Variants in MGAT4C observed in about 807,000 individuals in gnomAD.
MGAT4C encodes alpha-1,3-mannosyl-glycoprotein 4-beta-N-acetylglucosaminyltransferase C.
A neutral mutation model predicts 40.1 loss-of-function variants in MGAT4C; 19 were observed. The ratio of observed to expected loss-of-function variants is 0.47; its 90% CI spans 0.33 to 0.70. MGAT4C has a LOEUF of 0.70. Ranked by LOEUF, MGAT4C falls within the 30% of genes least tolerant of loss-of-function variation. The pLI, the probability that MGAT4C is intolerant of heterozygous loss-of-function variation, is 0.02. For missense variants in MGAT4C, 491 were observed against 563.2 expected (o/e 0.87, Z 1.30); for synonymous variants, 181 against 187.1 (o/e 0.97, Z 0.27).
intron 4 of MGAT4C, among the ~76,000 whole-genome samples, chr12:86,276,894 A>G (rs1349658415): frequency 1.3e-5 from 2 of 152,218 alleles, no homozygotes; most frequent in African/African-American, 2.4e-5. Context: ...TGCAATAAAT[A>G]TGGGAGTGTA....
upstream of MGAT4C, chr12:86,256,562 G>A (rs139026919): frequency 3.3e-5 from 5 of 152,230 alleles, 1 homozygote; most frequent in African/African-American, 1.2e-4. Context: ...TAAAAGGAGA[G>A]TGAAAGTAAT....
chr12:86,805,409 C>T (rs1952332706), intron 1 of MGAT4C, among the ~76,000 whole-genome samples: 1 of 151,820 alleles, frequency 6.6e-6, no homozygotes, highest in Non-Finnish European at 1.5e-5. Flanking sequence ...ATTCTTGCCA[C>T]CTTTATGTCT....
intron 1 of MGAT4C, among the ~76,000 whole-genome samples, chr12:86,075,942 T>C (rs1869613245): frequency 6.6e-6 from 1 of 152,212 alleles, no homozygotes; most frequent in East Asian, 1.9e-4. Context: ...GTAATTAACA[T>C]TGGGCTCCTT....
intron 1 of MGAT4C, among the ~76,000 whole-genome samples, chr12:86,161,400 AT>A (rs1593110033): frequency 6.6e-6 from 1 of 152,166 alleles, no homozygotes; most frequent in East Asian, 1.9e-4. Context: ...AAAAAAGGCA[AT>A]AAGAAAAGGA....
intron 4 of MGAT4C, among the ~76,000 whole-genome samples, chr12:86,290,682 A>G (rs563645869): frequency 6.6e-6 from 1 of 151,912 alleles, no homozygotes; most frequent in South Asian, 2.1e-4. Context: ...AAACCTGTAT[A>G]TATCGCCTCT....
intron 1 of MGAT4C, among the ~76,000 whole-genome samples, chr12:86,106,407 CCT>C (rs1456230616): frequency 1.3e-5 from 2 of 152,068 alleles, no homozygotes; most frequent in Non-Finnish European, 2.9e-5. Flanking sequence ...CTCAAGCAGT[CCT>C]CTTACATCAG....
intron 2 of MGAT4C, among the ~76,000 whole-genome samples, chr12:86,463,957 T>C (rs1957640044): frequency 6.6e-6 from 1 of 152,218 alleles, no homozygotes; most frequent in African/African-American, 2.4e-5. Context: ...TCACTAGTTA[T>C]ATTTACTTCC....
At chr12:86,037,235 A>C (rs1891326072) in intron 2 of MGAT4C, among the ~76,000 whole-genome samples, 1 of 149,884 alleles carries the variant, frequency 6.7e-6, no homozygotes, top group Non-Finnish European at 1.5e-5. Context: ...CTTTTCAAAA[A>C]TCCAGCTCCT....
chr12:86,042,772 G>T (rs1891989060), intron 2 of MGAT4C, among the ~76,000 whole-genome samples: 1 of 150,486 alleles, frequency 6.6e-6, no homozygotes, highest in Non-Finnish European at 1.5e-5. Context: ...GGAGGCTGAG[G>T]CAGGAGAATG....
At chr12:86,070,611 G>A (rs1048697132) in intron 1 of MGAT4C, among the ~76,000 whole-genome samples, 2 of 151,972 alleles carry the variant, frequency 1.3e-5, no homozygotes, top group Admixed American at 6.6e-5. Flanking sequence ...GTTTTTATGG[G>A]TTGTGGCTCT....
upstream of MGAT4C, among the ~76,000 whole-genome samples, chr12:86,259,325 G>T (rs1952606952): frequency 6.6e-6 from 1 of 151,842 alleles, no homozygotes; most frequent in Non-Finnish European, 1.5e-5. Context: ...CTGGGTTAAG[G>T]TCAAAAATAA....
chr12:86,650,744 A>G (rs1030197581), intron 2 of MGAT4C, among the ~76,000 whole-genome samples: 1 of 151,918 alleles, frequency 6.6e-6, no homozygotes, highest in Non-Finnish European at 1.5e-5. Flanking sequence ...GGAATTTATC[A>G]ATGTAAAGGG....
intron 2 of MGAT4C, among the ~76,000 whole-genome samples, chr12:86,442,309 A>T (rs1256219045): frequency 1.3e-5 from 2 of 152,064 alleles, no homozygotes; most frequent in Admixed American, 6.6e-5. Context: ...GTTCACTCTG[A>T]TGCTAGTTTC....
chr12:86,785,332 C>A (rs1439338003), intron 1 of MGAT4C, among the ~76,000 whole-genome samples: 1 of 151,780 alleles, frequency 6.6e-6, no homozygotes, highest in African/African-American at 2.4e-5. Context: ...CTAAATTGAA[C>A]AAATGTTTCA....
At chr12:86,641,866 T>G (rs1414745537) in intron 2 of MGAT4C, among the ~76,000 whole-genome samples, 6 of 151,908 alleles carry the variant, frequency 3.9e-5, no homozygotes, top group Non-Finnish European at 5.9e-5. Flanking sequence ...AAATAATGTA[T>G]GGAGAAAGAA....
intron 1 of MGAT4C, among the ~76,000 whole-genome samples, chr12:86,080,670 G>A (rs1870669044): frequency 6.6e-6 from 1 of 152,048 alleles, no homozygotes; most frequent in African/African-American, 2.4e-5. Flanking sequence ...AGAGTTTCAT[G>A]TCTAGTGCTG....
intron 3 of MGAT4C, among the ~76,000 whole-genome samples, chr12:86,345,584 G>A (rs926554158): frequency 3.3e-5 from 5 of 152,194 alleles, no homozygotes; most frequent in South Asian, 4.2e-4. Flanking sequence ...TTTCATCCAT[G>A]TCCCTACAAA....
intron 1 of MGAT4C, among the ~76,000 whole-genome samples, chr12:86,788,891 A>G (rs1951978152): frequency 6.6e-6 from 1 of 152,148 alleles, no homozygotes; most frequent in Non-Finnish European, 1.5e-5. Flanking sequence ...AGTTTCTCAT[A>G]CTTTTGTAGC....
At chr12:86,311,763 T>G (rs1954081506) in intron 4 of MGAT4C, among the ~76,000 whole-genome samples, 1 of 152,234 alleles carries the variant, frequency 6.6e-6, no homozygotes, top group Non-Finnish European at 1.5e-5. Flanking sequence ...TTAGAGTCTT[T>G]GTCCACAGGT....
Sources: gnomAD v4.1 joint callset for allele counts (sites outside exome capture counted in the v4.1 genomes callset) on GRCh38, gnomAD v4.1.1 for gene constraint, MANE v1.5 for transcripts, NCBI Gene and HGNC (gene_info 2026-07-23, HGNC 2026-07-21) for gene names.